Variants in FBXL20 observed in about 807,000 individuals in gnomAD.
FBXL20 encodes the protein F-box and leucine rich repeat protein 20.
Under a neutral mutation model 64.0 loss-of-function variants are expected in FBXL20, and 11 were observed. That is an observed-to-expected ratio of 0.17 (90% confidence interval 0.11 to 0.28). The LOEUF is 0.28. Ranked by LOEUF, FBXL20 falls within the 10% of genes least tolerant of loss-of-function variation. FBXL20 has a pLI of 1.00. For synonymous variants in FBXL20, 184 were observed against 189.0 expected (o/e 0.97, Z 0.22); for missense variants, 303 against 526.2 (o/e 0.58, Z 4.15).
At chr17:39,398,340 C>CA (rs997085099) in intron 1 of FBXL20, among the ~76,000 whole-genome samples, 1 of 152,226 alleles carries the variant, frequency 6.6e-6, no homozygotes, top group Admixed American at 6.5e-5. Context: ...TGAGGTAAAA[C>CA]ATCTGGCTCA....
intron 10 of FBXL20, among the ~76,000 whole-genome samples, chr17:39,273,181 A>G (rs1021379328): frequency 6.6e-6 from 1 of 151,794 alleles, no homozygotes; most frequent in African/African-American, 2.4e-5. Flanking sequence ...CCACGCCTGT[A>G]ATTTTTGTAT....
At chr17:39,370,956 C>T (rs548889464) in intron 1 of FBXL20, among the ~76,000 whole-genome samples, 76 of 152,232 alleles carry the variant, frequency 5.0e-4, no homozygotes, top group African/African-American at 1.3e-3. Flanking sequence ...TGTTGGCTCA[C>T]GCCTATAATC....
At chr17:39,389,104 CAAAAAAAAAAAAAAAA>C (rs752930971) in intron 1 of FBXL20, among the ~76,000 whole-genome samples, 1 of 52,696 alleles carries the variant, frequency 1.9e-5, no homozygotes, top group Non-Finnish European at 3.9e-5. Context: ...AACTCCATCT[CAAAAAAAAAAAAAAAA>C]AAAAAAAAAT....
At chr17:39,368,413 A>C (rs1332451889) in intron 1 of FBXL20, among the ~76,000 whole-genome samples, 3 of 152,148 alleles carry the variant, frequency 2.0e-5, no homozygotes, top group Admixed American at 6.6e-5. Flanking sequence ...AAAAATTTTT[A>C]AGAATGAAAA....
intron 1 of FBXL20, among the ~76,000 whole-genome samples, chr17:39,377,444 C>G (rs904260618): frequency 8.6e-5 from 13 of 151,826 alleles, no homozygotes; most frequent in Non-Finnish European, 5.9e-5. Context: ...TCCCGTTTCC[C>G]GCACAGCTGG....
chr17:39,324,225 G>A (rs2047388249), intron 2 of FBXL20, among the ~76,000 whole-genome samples: 1 of 149,722 alleles, frequency 6.7e-6, no homozygotes, highest in Admixed American at 6.6e-5. Flanking sequence ...TCCTAGCTCG[G>A]ACCTACAGAT....
intron 4 of FBXL20, among the ~76,000 whole-genome samples, chr17:39,300,760 CAA>C (rs2047126972): frequency 6.6e-6 from 1 of 152,016 alleles, no homozygotes; most frequent in Non-Finnish European, 1.5e-5. Context: ...ATTTCAAGAC[CAA>C]AGAGTCCTAT....
At chr17:39,289,998 C>CAAAAAAAAA (rs368530587) in intron 6 of FBXL20, among the ~76,000 whole-genome samples, 22 of 41,872 alleles carry the variant, frequency 5.3e-4, no homozygotes, top group African/African-American at 1.6e-3. Context: ...GACTCAGTCT[C>CAAAAAAAAA]AAAAAAAAAA....
At chr17:39,346,063 T>G (rs1182421111) in intron 1 of FBXL20, among the ~76,000 whole-genome samples, 2 of 152,212 alleles carry the variant, frequency 1.3e-5, no homozygotes, top group African/African-American at 4.8e-5. Flanking sequence ...AGCTCATGCC[T>G]GTAAGCCCAG....
rs576711053 is a variant in FBXL20, at chr17:39,254,173, G to C, written c.*7287C>G. The stretch of plus-strand genomic sequence containing the variant: ...GCTCACTGCAACATCCGCCTCCCAG[G>C]TTCAAGTGATTCTCTTGCCTCAGCC... On this transcript the variant is annotated 3_prime_UTR_variant, in exon 15 of 15. Coordinates refer to ENST00000264658, the MANE Select transcript of FBXL20 (RefSeq NM_032875.3). 2.0e-5 allele frequency: 3 copies of C among 152,384 alleles called. No individual in the cohort carries two copies. The highest frequency in any genetic ancestry group is 6.5e-5 in the Admixed American group (1 of 15,288). 9.4% of individuals were successfully genotyped at this position (152,384 alleles called of 1,614,324 possible).
At chr17:39,362,697 C>A (rs931838782) in intron 1 of FBXL20, among the ~76,000 whole-genome samples, 58 of 148,252 alleles carry the variant, frequency 3.9e-4, no homozygotes, top group African/African-American at 1.4e-3. Context: ...CGGCTCACTG[C>A]AACCTTCATC....
intron 1 of FBXL20, among the ~76,000 whole-genome samples, chr17:39,390,738 GAGT>G: frequency 6.6e-6 from 1 of 151,994 alleles, no homozygotes; most frequent in African/African-American, 2.4e-5. Flanking sequence ...AACAAAAACT[GAGT>G]CAGATAAATA....
At chr17:39,375,999 A>T (rs2047963461) in intron 1 of FBXL20, among the ~76,000 whole-genome samples, 1 of 152,026 alleles carries the variant, frequency 6.6e-6, no homozygotes, top group Non-Finnish European at 1.5e-5. Context: ...GGCACCTGTA[A>T]TCCTGGCTAC....
intron 2 of FBXL20, among the ~76,000 whole-genome samples, chr17:39,328,248 CAAAAAAAAAAAAAAAA>C (rs141259755): frequency 4.9e-4 from 27 of 55,094 alleles, no homozygotes; most frequent in Non-Finnish European, 5.3e-4. Context: ...AACTCTGCCT[CAAAAAAAAAAAAAAAA>C]AAAAAAAAAA....
At position 39,275,685 on chromosome 17, in the gene FBXL20, C is replaced by T. The variant is rs116003337; in HGVS notation, c.697-585G>A. Among the ~76,000 whole-genome samples, 1,068 of 152,018 alleles carry T rather than the reference C, an allele frequency of 7.0e-3. 14 individuals carry two copies. The highest frequency in any genetic ancestry group is 0.025 in the African/African-American group (1,027 of 41,470). On this transcript the variant is annotated intron_variant, in intron 9 of 14. Coordinates refer to ENST00000264658, the MANE Select transcript of FBXL20 (RefSeq NM_032875.3). ...TCAGCCTCCCAAAGTACTTGAATCA[C>T]AGGCTTGAGCCACCATGCCTGGCCT...
chr17:39,340,150 G>A (rs901612437), intron 2 of FBXL20, among the ~76,000 whole-genome samples: 8 of 152,080 alleles, frequency 5.3e-5, no homozygotes, highest in Non-Finnish European at 1.0e-4. Flanking sequence ...AGGCTGGAGC[G>A]CGGTGGCGCG....
chr17:39,323,674 C>T (rs1210025396), intron 2 of FBXL20, among the ~76,000 whole-genome samples: 3 of 152,122 alleles, frequency 2.0e-5, no homozygotes, highest in African/African-American at 7.2e-5. Flanking sequence ...TAAGCCTCAC[C>T]CCCTTAAAAT....
chr17:39,311,731 A>G (rs2047237064), intron 2 of FBXL20, among the ~76,000 whole-genome samples: 1 of 152,196 alleles, frequency 6.6e-6, no homozygotes, highest in South Asian at 2.1e-4. Flanking sequence ...GAGGAGCTTC[A>G]TAATCTAAAG....
chr17:39,255,679 A>C lies in FBXL20; in HGVS notation c.*5781T>G, dbSNP rs1387015251. The C allele has an allele frequency of 6.6e-6, 1 of 151,876 alleles. No individual in the cohort carries two copies. The highest frequency in any genetic ancestry group is 1.9e-4 in the East Asian group (1 of 5,136). 9.4% of individuals were successfully genotyped at this position (151,876 alleles called of 1,614,324 possible). On this transcript the variant is annotated 3_prime_UTR_variant, in exon 15 of 15. Transcript: ENST00000264658. The stretch of plus-strand genomic sequence containing the variant: ...ACCAACATGGTGAAACCCCGTCTCT[A>C]CTAAAAATACAAATTTTGCCGGGCG...
Sources: allele counts gnomAD v4.1 joint callset (sites outside exome capture counted in the v4.1 genomes callset), GRCh38; gene constraint gnomAD v4.1.1; transcripts MANE v1.5; gene names NCBI Gene and HGNC (gene_info 2026-07-23, HGNC 2026-07-21).